Variants in AGBL1 observed in about 807,000 individuals in gnomAD.
AGBL1 encodes the protein cytosolic carboxypeptidase 4.
Under a neutral mutation model 118.9 loss-of-function variants are expected in AGBL1, and 130 were observed. That is an observed-to-expected ratio of 1.09 (90% CI 0.95 to 1.26). The LOEUF is 1.26. Ranked by LOEUF, AGBL1 falls within the 50% of genes most tolerant of loss-of-function variation. The pLI, the probability that AGBL1 is intolerant of heterozygous loss-of-function variation, is 0.00. For synonymous variants in AGBL1, 555 were observed against 478.9 expected, an observed-to-expected ratio of 1.16 and a Z score of -2.08; for missense variants, 1,584 against 1,298.1, an observed-to-expected ratio of 1.22 and a Z score of -3.38.
chr15:86,468,279 CA>C (rs1567008684), intron 18 of AGBL1, among the ~76,000 whole-genome samples: 2 of 152,144 alleles, frequency 1.3e-5, no homozygotes, highest in African/African-American at 4.8e-5. Flanking sequence ...GATCTTTAGG[CA>C]AACTTTGCAA....
At chr15:86,511,520 T>C (rs2083052148) in intron 18 of AGBL1, among the ~76,000 whole-genome samples, 1 of 152,176 alleles carries the variant, frequency 6.6e-6, no homozygotes, top group East Asian at 1.9e-4. Context: ...TTACATAGTT[T>C]ACTCTTTATT....
intron 23 of AGBL1, among the ~76,000 whole-genome samples, chr15:86,974,512 A>ACATATTT (rs2081150962): frequency 7.7e-6 from 1 of 129,894 alleles, no homozygotes; most frequent in East Asian, 2.1e-4. Context: ...TTGAATATAA[A>ACATATTT]TATATATAAT....
At chr15:86,673,119 T>G (rs1038056343) in intron 21 of AGBL1, among the ~76,000 whole-genome samples, 6 of 152,214 alleles carry the variant, frequency 3.9e-5, no homozygotes, top group African/African-American at 9.6e-5. Context: ...AGGTCAAATG[T>G]ACTTTATAAA....
intron 8 of AGBL1, among the ~76,000 whole-genome samples, chr15:86,257,702 A>G (rs971650302): frequency 1.3e-5 from 2 of 152,192 alleles, no homozygotes; most frequent in African/African-American, 4.8e-5. Flanking sequence ...AGTGGTATTC[A>G]TGTGTCATTT....
chr15:87,004,343 A>G (rs955655311), intron 24 of AGBL1, among the ~76,000 whole-genome samples: 3 of 152,118 alleles, frequency 2.0e-5, no homozygotes. Context: ...CTCAGTCTCT[A>G]AGGACTTTCT....
At chr15:86,960,430 C>T (rs751405621) in intron 23 of AGBL1, among the ~76,000 whole-genome samples, 1 of 151,922 alleles carries the variant, frequency 6.6e-6, no homozygotes, top group African/African-American at 2.4e-5. Context: ...GGGTAAGGAT[C>T]AGATTCAAGT....
intron 22 of AGBL1, among the ~76,000 whole-genome samples, chr15:86,779,234 G>A (rs949103084): frequency 3.9e-5 from 6 of 152,222 alleles, no homozygotes; most frequent in African/African-American, 1.4e-4. Flanking sequence ...GACACAGGGA[G>A]AAGGCACCAT....
At chr15:86,671,869 T>C (rs1475498334) in intron 21 of AGBL1, among the ~76,000 whole-genome samples, 1 of 152,186 alleles carries the variant, frequency 6.6e-6, no homozygotes, top group East Asian at 1.9e-4. Flanking sequence ...ATTTGACAGG[T>C]ATGTGCTCCA....
At chr15:86,890,771 A>G (rs1043354262) in intron 22 of AGBL1, among the ~76,000 whole-genome samples, 1 of 152,192 alleles carries the variant, frequency 6.6e-6, no homozygotes, top group African/African-American at 2.4e-5. Context: ...TACCAGTACC[A>G]TGCTGTTGTG....
chr15:86,781,734 T>G (rs899057218), intron 22 of AGBL1, among the ~76,000 whole-genome samples: 5 of 152,084 alleles, frequency 3.3e-5, no homozygotes, highest in Non-Finnish European at 7.4e-5. Context: ...AAAGACAATA[T>G]AGTCAAGAGT....
chr15:86,794,215 TGAATG>T (rs2078538225), intron 22 of AGBL1, among the ~76,000 whole-genome samples: 1 of 152,206 alleles, frequency 6.6e-6, no homozygotes, highest in Non-Finnish European at 1.5e-5. Flanking sequence ...TATCAACTGA[TGAATG>T]GATAAATAAA....
chr15:86,192,044 G>A (rs1436766783), intron 5 of AGBL1, among the ~76,000 whole-genome samples: 1 of 151,644 alleles, frequency 6.6e-6, no homozygotes, highest in Non-Finnish European at 1.5e-5. Flanking sequence ...CAGGCTCCAG[G>A]GAGTTGATTG....
At chr15:86,779,434 G>C (rs1429424625) in intron 22 of AGBL1, among the ~76,000 whole-genome samples, 1 of 152,240 alleles carries the variant, frequency 6.6e-6, no homozygotes, top group East Asian at 1.9e-4. Context: ...TTATCCATTG[G>C]AATCATTTAT....
intron 22 of AGBL1, among the ~76,000 whole-genome samples, chr15:86,712,573 GAAAA>G (rs951942141): frequency 2.8e-4 from 43 of 151,958 alleles, no homozygotes. Context: ...ATACAGCAGA[GAAAA>G]AAAATCCGCC....
chr15:86,453,140 C>T (rs1168207160), intron 18 of AGBL1, among the ~76,000 whole-genome samples: 1 of 152,134 alleles, frequency 6.6e-6, no homozygotes, highest in Non-Finnish European at 1.5e-5. Flanking sequence ...CGACTCTATC[C>T]TCAGCTTCTA....
intron 22 of AGBL1, among the ~76,000 whole-genome samples, chr15:86,861,966 C>T (rs1160480169): frequency 6.6e-6 from 1 of 152,184 alleles, no homozygotes; most frequent in African/African-American, 2.4e-5. Flanking sequence ...AAGGATACTG[C>T]AATTAAGAGT....
chr15:86,724,752 C>G (rs1332031744), intron 22 of AGBL1, among the ~76,000 whole-genome samples: 1 of 151,934 alleles, frequency 6.6e-6, no homozygotes, highest in Non-Finnish European at 1.5e-5. Context: ...TGGTGCTATC[C>G]CTTCAGTATA....
At chr15:86,458,300 T>C (rs1393393880) in intron 18 of AGBL1, among the ~76,000 whole-genome samples, 4 of 152,126 alleles carry the variant, frequency 2.6e-5, no homozygotes, top group African/African-American at 9.6e-5. Context: ...AAATATAATC[T>C]TGTAATGGAT....
rs2082735602 is a variant in AGBL1, at chr15:86,488,190, A to T, written c.2556-34620A>T. ...TTGAGCTCCTATATGTATAAAAATG[A>T]TAAAATGGCTAGACGTATAGGTCTC... is the stretch of plus-strand genomic sequence containing the variant. On this transcript the variant is annotated intron_variant, in intron 18 of 22. Transcript: ENST00000614907. Among the ~76,000 whole-genome samples the T allele has an allele frequency of 2.0e-5, 3 of 152,042 alleles. No homozygotes were observed. The South Asian group carries it at 6.2e-4, about 32-fold the overall frequency.
Sources: gnomAD v4.1 joint callset for allele counts (sites outside exome capture counted in the v4.1 genomes callset) on GRCh38, gnomAD v4.1.1 for gene constraint, MANE v1.5 for transcripts, NCBI Gene and HGNC (gene_info 2026-07-23, HGNC 2026-07-21) for gene names.